Variants in DPYD observed in about 807,000 individuals in gnomAD.
DPYD encodes dihydropyrimidine dehydrogenase [NADP(+)].
Under a neutral mutation model 116.2 loss-of-function variants are expected in DPYD, and 109 were observed. The ratio of observed to expected loss-of-function variants is 0.94; its 90% CI spans 0.80 to 1.10. DPYD has a LOEUF of 1.10. DPYD is among the 50% of genes least tolerant of loss of function. DPYD has a pLI of 0.00. For synonymous variants in DPYD, 440 were observed against 432.0 expected (o/e 1.02, Z -0.23); for missense variants, 1,302 against 1,254.5 (o/e 1.04, Z -0.57).
At chr1:97,470,146 C>T (rs995935151) in intron 13 of DPYD, among the ~76,000 whole-genome samples, 8 of 152,126 alleles carry the variant, frequency 5.3e-5, no homozygotes, top group East Asian at 3.9e-4. Flanking sequence ...CTGCATTTTT[C>T]GAATCATTTT....
At chr1:97,826,347 CA>C (rs1669245977) in intron 3 of DPYD, among the ~76,000 whole-genome samples, 1 of 152,050 alleles carries the variant, frequency 6.6e-6, no homozygotes, top group African/African-American at 2.4e-5. Flanking sequence ...ACACTGATTA[CA>C]TATCCTTTCC....
chr1:97,421,904 G>A (rs193236706), intron 14 of DPYD, among the ~76,000 whole-genome samples: 66 of 152,254 alleles, frequency 4.3e-4, no homozygotes, highest in Non-Finnish European at 6.6e-4. Context: ...GAAATGGTAC[G>A]AGTGAAATAG....
intron 14 of DPYD, among the ~76,000 whole-genome samples, chr1:97,403,058 T>C (rs1253065091): frequency 6.6e-6 from 1 of 152,056 alleles, no homozygotes; most frequent in African/African-American, 2.4e-5. Context: ...TACTGGTCTA[T>C]AGTTTCTAGC....
rs1419637452 is a variant in DPYD, at chr1:97,270,713, TTGTC to T, written c.2299+34542_2299+34545del. 7.2e-5 allele frequency among the ~76,000 whole-genome samples: 11 copies of T among 152,276 alleles called. No homozygotes were observed. The South Asian group carries it at 1.9e-3, about 26-fold the overall frequency. ...AAAGTGAGAGGGACAAAGATAAACT[TTGTC>T]TGGTTATGTTCTTCAAGAGCCATCC... On this transcript the variant is annotated intron_variant, in intron 18 of 22. Transcript: ENST00000370192.
intron 13 of DPYD, among the ~76,000 whole-genome samples, chr1:97,506,622 G>A (rs761577138): frequency 2.6e-5 from 4 of 151,756 alleles, no homozygotes; most frequent in South Asian, 2.1e-4. Flanking sequence ...AATTGTACAC[G>A]TCAATTTATA....
intron 3 of DPYD, among the ~76,000 whole-genome samples, chr1:97,818,360 G>A (rs952508705): frequency 3.3e-5 from 5 of 151,970 alleles, no homozygotes; most frequent in African/African-American, 1.2e-4. Context: ...AATTAATTGT[G>A]TTAGCCTATT....
Position 97,471,866 on chromosome 1 carries a change from A to C in DPYD, c.1741-21643T>G, listed in dbSNP as rs565549792. Among the ~76,000 whole-genome samples the C allele has an allele frequency of 1.8e-4, 28 of 152,302 alleles. No homozygotes were observed. In the East Asian group the frequency reaches 4.1e-3, roughly 22 times the overall value. ...CGGCCTCCCAAAGTGCTGGGATTAC[A>C]GGCGTGAGCCACCACGCCCATCCCG... On this transcript the variant is annotated intron_variant, in intron 13 of 22. Transcript: ENST00000370192.
At position 97,812,438 on chromosome 1, in the gene DPYD, T is replaced by C. The variant is rs555158688; in HGVS notation, c.233+15676A>G. Among the ~76,000 whole-genome samples, 40 of 152,262 alleles carry C rather than the reference T, an allele frequency of 2.6e-4. No individual in the cohort carries two copies. In the South Asian group the frequency reaches 3.5e-3, roughly 13 times the overall value. ...ATTCAAAAATATTCAATCTGAATCA[T>C]GGTGCAAGGAATGTGTGTGTATAAT... On this transcript the variant is annotated intron_variant, in intron 3 of 22. Transcript: ENST00000370192.
Position 97,311,913 on chromosome 1 carries a change from C to T in DPYD, c.2059-5616G>A, listed in dbSNP as rs950509760. ...GACATATATATGGGTGATAAAACTA[C>T]GAAGAAAAGCAAAGCAAAGAGTAGG... On this transcript the variant is annotated intron_variant, in intron 16 of 22. Coordinates refer to ENST00000370192, the MANE Select transcript of DPYD (RefSeq NM_000110.4). Among the ~76,000 whole-genome samples, 17 of 151,584 alleles carry T rather than the reference C, an allele frequency of 1.1e-4. No individual in the cohort carries two copies. In the South Asian group the frequency reaches 1.7e-3, roughly 15 times the overall value.
intron 18 of DPYD, among the ~76,000 whole-genome samples, chr1:97,257,452 T>C (rs61786276): frequency 1.6e-5 from 2 of 126,474 alleles, no homozygotes; most frequent in Non-Finnish European, 3.3e-5. Flanking sequence ...TATATATATA[T>C]AGAGAGAGAG....
intron 18 of DPYD, among the ~76,000 whole-genome samples, chr1:97,258,846 G>T (rs950392440): frequency 3.5e-4 from 53 of 152,128 alleles, no homozygotes; most frequent in African/African-American, 1.2e-3. Context: ...GGTCATTTAA[G>T]AATTGTCTAT....
intron 3 of DPYD, among the ~76,000 whole-genome samples, chr1:97,773,748 T>TG (rs901243798): frequency 2.6e-5 from 4 of 152,178 alleles, no homozygotes; most frequent in African/African-American, 9.7e-5. Context: ...GCCACTGAGC[T>TG]GCCCAACTCC....
intron 10 of DPYD, among the ~76,000 whole-genome samples, chr1:97,579,949 A>G (rs141336158): frequency 2.0e-5 from 3 of 152,354 alleles, no homozygotes; most frequent in Non-Finnish European, 4.4e-5. Flanking sequence ...TGAGTGAAAT[A>G]AAAATAGCAT....
At chr1:97,079,450 G>A (rs958636508) in intron 22 of DPYD, among the ~76,000 whole-genome samples, 11 of 152,016 alleles carry the variant, frequency 7.2e-5, no homozygotes, top group East Asian at 5.8e-4. Flanking sequence ...AGCAGAGTTC[G>A]GGTCTTTCCA....
At chr1:97,451,392 T>C (rs946151663) in intron 13 of DPYD, among the ~76,000 whole-genome samples, 3 of 152,174 alleles carry the variant, frequency 2.0e-5, no homozygotes, top group Admixed American at 6.5e-5. Context: ...GCATGTTAAT[T>C]TCTGGTAATT....
intron 8 of DPYD, among the ~76,000 whole-genome samples, chr1:97,595,715 T>C (rs1253366758): frequency 6.6e-6 from 1 of 151,826 alleles, no homozygotes. Context: ...TTTTAATAAT[T>C]AAATGTCTTT....
chr1:97,817,325 C>T (rs1342974209), intron 3 of DPYD, among the ~76,000 whole-genome samples: 2 of 151,956 alleles, frequency 1.3e-5, no homozygotes, highest in Non-Finnish European at 2.9e-5. Context: ...AGACTTTTTT[C>T]CCCAAAATAA....
Position 97,616,814 on chromosome 1 carries a change from A to G in DPYD, c.851-21648T>C, listed in dbSNP as rs377700540. On this transcript the variant is annotated intron_variant, in intron 8 of 22. Coordinates refer to ENST00000370192, the MANE Select transcript of DPYD (RefSeq NM_000110.4). ...TACAAAAAGAAAACTTGAAGAATGA[A>G]TATTTCACTATTGCATTAAAATTCC... 1.4e-4 allele frequency among the ~76,000 whole-genome samples: 21 copies of G among 152,332 alleles called. No individual in the cohort carries two copies. In the East Asian group the frequency reaches 3.9e-3, roughly 28 times the overall value.
intron 13 of DPYD, among the ~76,000 whole-genome samples, chr1:97,490,153 TAATA>T (rs1678886252): frequency 6.6e-6 from 1 of 151,856 alleles, no homozygotes; most frequent in African/African-American, 2.4e-5. Flanking sequence ...GCCTGCCACA[TAATA>T]AATGCACCAT....
Sources: gnomAD v4.1 joint callset for allele counts (sites outside exome capture counted in the v4.1 genomes callset) on GRCh38, gnomAD v4.1.1 for gene constraint, MANE v1.5 for transcripts, NCBI Gene and HGNC (gene_info 2026-07-23, HGNC 2026-07-21) for gene names.